The following LEPR variants were observed in gnomAD, a reference collection of about 807,000 sequenced individuals.
The protein encoded by LEPR is OB receptor.
Under a neutral mutation model 114.7 loss-of-function variants are expected in LEPR, and 56 were observed. The observed-to-expected ratio is 0.49, with a 90% CI of 0.39 to 0.61. LEPR has a LOEUF of 0.61. Among genes scored for constraint, LEPR ranks in the 20% least tolerant of loss-of-function variants. The pLI, the probability that LEPR is intolerant of heterozygous loss-of-function variation, is 0.00. For missense variants in LEPR, 1,202 were observed against 1,352.9 expected, an observed-to-expected ratio of 0.89 and a Z score of 1.75; for synonymous variants, 443 against 461.4, an observed-to-expected ratio of 0.96 and a Z score of 0.51.
chr1:65,484,518 C>A (rs757853181), intron 2 of LEPR, among the ~76,000 whole-genome samples: 71 of 152,204 alleles, frequency 4.7e-4, no homozygotes, highest in East Asian at 7.7e-4. Flanking sequence ...CTATTGTGGA[C>A]TGTACAAAGA....
At chr1:65,549,575 A>G (rs377232985) in intron 2 of LEPR, among the ~76,000 whole-genome samples, 5,442 of 151,804 alleles carry the variant, frequency 0.036, 116 homozygotes, top group Middle Eastern at 0.082. Context: ...ATCTTCCATC[A>G]CTGATACCCT....
At chr1:65,520,965 A>G (rs1431770983) in intron 2 of LEPR, among the ~76,000 whole-genome samples, 1 of 152,210 alleles carries the variant, frequency 6.6e-6, no homozygotes, top group Admixed American at 6.5e-5. Context: ...CGGTAAACCC[A>G]CAACCTTCAG....
At chr1:65,611,753 T>G (rs576894999) in intron 14 of LEPR, among the ~76,000 whole-genome samples, 1 of 152,224 alleles carries the variant, frequency 6.6e-6, no homozygotes, top group Admixed American at 6.5e-5. Context: ...ATGAAAATGG[T>G]TTATATCTGC....
chr1:65,602,363 CAG>C (rs1234810599), intron 10 of LEPR, among the ~76,000 whole-genome samples: 2 of 151,808 alleles, frequency 1.3e-5, no homozygotes, highest in Non-Finnish European at 2.9e-5. Context: ...GAGGTAAAAA[CAG>C]ATTATAAGAG....
chr1:65,429,364 AT>A (rs1646442447), intron 2 of LEPR, among the ~76,000 whole-genome samples: 1 of 152,196 alleles, frequency 6.6e-6, no homozygotes, highest in Non-Finnish European at 1.5e-5. Context: ...GATTAAGCAA[AT>A]GAAGGGAAAA....
intron 2 of LEPR, among the ~76,000 whole-genome samples, chr1:65,469,466 G>A (rs1371445701): frequency 6.6e-6 from 1 of 152,164 alleles, no homozygotes; most frequent in Non-Finnish European, 1.5e-5. Flanking sequence ...AGATAAGGAT[G>A]GGCCTGAGTA....
intron 2 of LEPR, among the ~76,000 whole-genome samples, chr1:65,546,264 T>G (rs894666144): frequency 2.6e-5 from 4 of 152,222 alleles, no homozygotes; most frequent in Non-Finnish European, 4.4e-5. Flanking sequence ...TTTGTTCTTT[T>G]GGCTTAGGAT....
chr1:65,566,153 A>G (rs1653736348), intron 3 of LEPR, among the ~76,000 whole-genome samples: 1 of 151,246 alleles, frequency 6.6e-6, no homozygotes, highest in African/African-American at 2.4e-5. Context: ...CTGCATTGAA[A>G]CTTCATGTGT....
intron 2 of LEPR, among the ~76,000 whole-genome samples, chr1:65,466,394 G>A (rs550928012): frequency 3.3e-5 from 5 of 152,304 alleles, no homozygotes; most frequent in South Asian, 4.1e-4. Flanking sequence ...CGAGAGATCC[G>A]CTGTTAGTCT....
At chr1:65,555,538 T>A (rs933663743) in intron 2 of LEPR, among the ~76,000 whole-genome samples, 1 of 152,196 alleles carries the variant, frequency 6.6e-6, no homozygotes, top group Admixed American at 6.5e-5. Context: ...ATCTTATACT[T>A]GTATCTGGTC....
chr1:65,493,315 G>A (rs1647977690), intron 2 of LEPR, among the ~76,000 whole-genome samples: 1 of 151,842 alleles, frequency 6.6e-6, no homozygotes, highest in South Asian at 2.1e-4. Flanking sequence ...TTTCCTACTT[G>A]TTCTCTTAGC....
chr1:65,445,233 C>T (rs918616645), intron 2 of LEPR, among the ~76,000 whole-genome samples: 3 of 152,168 alleles, frequency 2.0e-5, no homozygotes, highest in Non-Finnish European at 4.4e-5. Flanking sequence ...AGCCCTTTGC[C>T]AAGCTGCACA....
intron 2 of LEPR, among the ~76,000 whole-genome samples, chr1:65,427,228 G>T (rs764951541): frequency 3.9e-5 from 6 of 152,038 alleles, no homozygotes; most frequent in Non-Finnish European, 8.8e-5. Context: ...CTCATTTCTC[G>T]CTGGGAAACC....
chr1:65,543,916 G>T (rs1197795320), intron 2 of LEPR, among the ~76,000 whole-genome samples: 1 of 151,930 alleles, frequency 6.6e-6, no homozygotes, highest in Non-Finnish European at 1.5e-5. Flanking sequence ...CTCCAGTTTT[G>T]TTCTTTTTGC....
chr1:65,429,024 T>A (rs1274678805), intron 2 of LEPR, among the ~76,000 whole-genome samples: 1 of 152,192 alleles, frequency 6.6e-6, no homozygotes, highest in Admixed American at 6.5e-5. Flanking sequence ...TTAACAAGTA[T>A]AAATGGAGTA....
intron 14 of LEPR, among the ~76,000 whole-genome samples, chr1:65,613,217 C>T (rs1398366085): frequency 6.6e-6 from 1 of 152,106 alleles, no homozygotes; most frequent in Non-Finnish European, 1.5e-5. Context: ...GAAAATATTC[C>T]TGCTTCAGTC....
chr1:65,461,921 C>T (rs990434309), intron 2 of LEPR, among the ~76,000 whole-genome samples: 13 of 152,166 alleles, frequency 8.5e-5, no homozygotes, highest in African/African-American at 3.1e-4. Context: ...TCAGGCATCT[C>T]CCAGTTGAAG....
At chr1:65,528,559 A>T (rs1650138287) in intron 2 of LEPR, among the ~76,000 whole-genome samples, 1 of 152,018 alleles carries the variant, frequency 6.6e-6, no homozygotes, top group African/African-American at 2.4e-5. Flanking sequence ...AATATTTTAA[A>T]ACTACAAATC....
At chr1:65,445,260 C>T (rs921622091) in intron 2 of LEPR, among the ~76,000 whole-genome samples, 6 of 152,058 alleles carry the variant, frequency 3.9e-5, no homozygotes, top group Non-Finnish European at 8.8e-5. Context: ...AAATGCTGCT[C>T]CTGGCTGTGT....
Sources: allele counts gnomAD v4.1 joint callset (sites outside exome capture counted in the v4.1 genomes callset), GRCh38; gene constraint gnomAD v4.1.1; transcripts MANE v1.5; gene names NCBI Gene and HGNC (gene_info 2026-07-23, HGNC 2026-07-21).